DIAPH3: variants seen among roughly 807,000 people sequenced by gnomAD.
DIAPH3 encodes the protein diaphanous related formin 3.
A neutral mutation model predicts 144.3 loss-of-function variants in DIAPH3; 117 were observed. The ratio of observed to expected loss-of-function variants is 0.81; its 90% CI spans 0.70 to 0.95. The LOEUF is 0.95. DIAPH3 is among the 40% of genes least tolerant of loss of function. DIAPH3 has a pLI of 0.00. For synonymous variants in DIAPH3, 519 were observed against 488.9 expected (o/e 1.06, Z -0.81); for missense variants, 1,421 against 1,412.7 (o/e 1.01, Z -0.09).
intron 24 of DIAPH3, among the ~76,000 whole-genome samples, chr13:59,817,571 T>C (rs566779183): frequency 2.6e-4 from 40 of 152,066 alleles, no homozygotes; most frequent in African/African-American, 9.1e-4. Flanking sequence ...AAGGGAGGTC[T>C]CTTATAAACA....
chr13:59,774,245 AC>A lies in DIAPH3; in HGVS notation c.3262del (p.Val1088PhefsTer14). 6.2e-7 allele frequency: 1 copy of A among 1,612,318 alleles called. No homozygotes were observed. Among genetic ancestry groups the A allele is most frequent in the Non-Finnish European group, 8.5e-7 (1 of 1,179,084 alleles). ...RRKRTPMPKDVRQSLSPMSQR... is the reference protein window; with the variant it reads ...RRKRTPMPKDXRQSLSPMSQR... ...AGACATTGGACTGAGACTCTGCCGA[AC>A]ATCTGTTAAAAAAAAAAATAAAATA... On this transcript the variant is annotated frameshift_variant and splice_region_variant, in exon 27 of 28. Transcript: ENST00000400324. LOFTEE classifies it high-confidence loss of function.
At chr13:60,082,808 A>C (rs925030914) in intron 4 of DIAPH3, among the ~76,000 whole-genome samples, 2 of 152,110 alleles carry the variant, frequency 1.3e-5, no homozygotes, top group African/African-American at 4.8e-5. Flanking sequence ...TTACTAAATG[A>C]GGTTAAAACT....
At chr13:59,708,746 A>G (rs1411637945) in intron 27 of DIAPH3, among the ~76,000 whole-genome samples, 2 of 152,132 alleles carry the variant, frequency 1.3e-5, no homozygotes, top group African/African-American at 4.8e-5. Context: ...CCTACTGGCA[A>G]TCCCCCAATT....
chr13:59,793,138 T>C (rs2039411954), intron 25 of DIAPH3, among the ~76,000 whole-genome samples: 2 of 152,204 alleles, frequency 1.3e-5, no homozygotes, highest in Admixed American at 1.3e-4. Context: ...CCTACAAATG[T>C]ATCTGCACTT....
chr13:59,754,172 T>C (rs780183283), intron 27 of DIAPH3, among the ~76,000 whole-genome samples: 2 of 152,200 alleles, frequency 1.3e-5, no homozygotes, highest in South Asian at 2.1e-4. Context: ...GAGGGCATCT[T>C]CTGTTCCAGA....
At position 59,833,514 on chromosome 13, in the gene DIAPH3, T is replaced by G. The variant is rs139347865; in HGVS notation, c.2863-243A>C. Among the ~76,000 whole-genome samples the G allele has an allele frequency of 1.8e-3, 280 of 151,940 alleles. 2 individuals are homozygous for G. Among genetic ancestry groups the G allele is most frequent in the African/African-American group, 6.4e-3 (265 of 41,548 alleles). On this transcript the variant is annotated intron_variant, in intron 23 of 27. Coordinates refer to ENST00000400324, the MANE Select transcript of DIAPH3 (RefSeq NM_001042517.2). The stretch of plus-strand genomic sequence containing the variant: ...AAGATTTATATATTTAATATTTCTC[T>G]TTAACAAGTTTAAAAAATCTTTCTT...
At chr13:59,751,818 A>C (rs2037021416) in intron 27 of DIAPH3, among the ~76,000 whole-genome samples, 1 of 152,258 alleles carries the variant, frequency 6.6e-6, no homozygotes, top group Non-Finnish European at 1.5e-5. Flanking sequence ...AGTAAAATGG[A>C]AAAATTAATC....
chr13:60,008,124 T>C (rs1426073951), intron 9 of DIAPH3, among the ~76,000 whole-genome samples: 1 of 152,180 alleles, frequency 6.6e-6, no homozygotes, highest in Non-Finnish European at 1.5e-5. Flanking sequence ...CCGGACGCAG[T>C]GGCTCATGCC....
chr13:60,040,003 A>G lies in DIAPH3; in HGVS notation c.626+2687T>C, dbSNP rs564894292. Among the ~76,000 whole-genome samples the G allele has an allele frequency of 2.6e-5, 4 of 152,100 alleles. No individual in the cohort carries two copies. In the South Asian group the frequency reaches 8.3e-4, roughly 32 times the overall value. ...GGAATCCCAGCACTTTGGGAGGCCA[A>G]GGCACGTGGATCATTAGAGGTCAGG... On this transcript the variant is annotated intron_variant, in intron 5 of 27. Transcript: ENST00000400324.
chr13:59,974,705 GC>G (rs1464423913), intron 14 of DIAPH3, among the ~76,000 whole-genome samples: 1 of 151,948 alleles, frequency 6.6e-6, no homozygotes, highest in Non-Finnish European at 1.5e-5. Flanking sequence ...CCTTCTCTCT[GC>G]AGAGCAAACT....
intron 24 of DIAPH3, among the ~76,000 whole-genome samples, chr13:59,811,799 CA>C (rs886246134): frequency 4.7e-5 from 7 of 148,528 alleles, no homozygotes; most frequent in Non-Finnish European, 7.4e-5. Context: ...TGGCTTTGAT[CA>C]AAACTAATAA....
At chr13:60,137,095 T>C (rs59163771) in intron 1 of DIAPH3, among the ~76,000 whole-genome samples, 1 of 152,216 alleles carries the variant, frequency 6.6e-6, no homozygotes, top group Admixed American at 6.5e-5. Flanking sequence ...TAATTCTATT[T>C]TCTCCCTAAA....
chr13:60,072,355 CT>C (rs1431997867), intron 4 of DIAPH3, among the ~76,000 whole-genome samples: 1 of 152,160 alleles, frequency 6.6e-6, no homozygotes, highest in Non-Finnish European at 1.5e-5. Context: ...GACATTTTCA[CT>C]ATCACTCCAT....
At chr13:60,038,059 A>T (rs2055359260) in intron 5 of DIAPH3, among the ~76,000 whole-genome samples, 1 of 152,054 alleles carries the variant, frequency 6.6e-6, no homozygotes, top group African/African-American at 2.4e-5. Context: ...TACTAAAACT[A>T]TAATAGAAAG....
At chr13:60,051,587 T>C (rs954940123) in intron 4 of DIAPH3, among the ~76,000 whole-genome samples, 11 of 151,838 alleles carry the variant, frequency 7.2e-5, no homozygotes, top group Non-Finnish European at 1.6e-4. Context: ...ACCATTGCAC[T>C]CCAGCCTGGG....
intron 22 of DIAPH3, among the ~76,000 whole-genome samples, chr13:59,859,266 T>C (rs1593712039): frequency 6.6e-6 from 1 of 151,992 alleles, no homozygotes; most frequent in Non-Finnish European, 1.5e-5. Flanking sequence ...TGCTGACCCA[T>C]ACACAGACAC....
At chr13:59,872,268 A>C (rs1007487723) in intron 21 of DIAPH3, among the ~76,000 whole-genome samples, 19 of 152,152 alleles carry the variant, frequency 1.2e-4, no homozygotes, top group African/African-American at 3.6e-4. Flanking sequence ...TATAAGTTGT[A>C]TTTTCATTTT....
chr13:59,747,832 C>T (rs1030008605), intron 27 of DIAPH3, among the ~76,000 whole-genome samples: 1 of 152,192 alleles, frequency 6.6e-6, no homozygotes, highest in South Asian at 2.1e-4. Context: ...TCCTAGATTT[C>T]TTTTCCGCAT....
intron 27 of DIAPH3, among the ~76,000 whole-genome samples, chr13:59,721,961 C>A (rs1272015750): frequency 6.6e-6 from 1 of 152,202 alleles, no homozygotes; most frequent in African/African-American, 2.4e-5. Context: ...TGTGCTCTTT[C>A]AGAAGCTGGG....
Sources: allele counts gnomAD v4.1 joint callset (sites outside exome capture counted in the v4.1 genomes callset), GRCh38; gene constraint gnomAD v4.1.1; transcripts MANE v1.5; gene names NCBI Gene and HGNC (gene_info 2026-07-23, HGNC 2026-07-21).